The following ACKR3 variants were observed in gnomAD, a reference collection of about 807,000 sequenced individuals.
The protein encoded by ACKR3 is C-X-C chemokine receptor type 7.
A neutral mutation model predicts 22.4 loss-of-function variants in ACKR3; 6 were observed. The ratio of observed to expected loss-of-function variants is 0.27; its 90% confidence interval spans 0.15 to 0.53. The LOEUF (loss-of-function observed/expected upper bound fraction) is 0.53, where lower values mean the gene tolerates loss of function less well. ACKR3 is among the 20% of genes least tolerant of loss of function. ACKR3 has a pLI of 0.96. For synonymous variants in ACKR3, 209 were observed against 205.2 expected, an observed-to-expected ratio of 1.02 and a Z score of -0.16; for missense variants, 396 against 475.2, an observed-to-expected ratio of 0.83 and a Z score of 1.55.
chr2:236,571,695 T>C (rs1691315388), intron 1 of ACKR3, among the ~76,000 whole-genome samples: 1 of 151,274 alleles, frequency 6.6e-6, no homozygotes, highest in African/African-American at 2.4e-5. Flanking sequence ...TGTGTGATCA[T>C]TTTAGGGCGA....
At position 236,581,681 on chromosome 2, in the gene ACKR3, C is replaced by T. The variant is rs943220864; in HGVS notation, c.*127C>T. The T allele has an allele frequency of 2.0e-4, 238 of 1,197,996 alleles. No individual in the cohort carries two copies. Among genetic ancestry groups the T allele is most frequent in the Admixed American group, 7.5e-4 (28 of 37,156 alleles). 74.2% of individuals were successfully genotyped at this position (1,197,996 alleles called of 1,614,324 possible). On this transcript the variant is annotated 3_prime_UTR_variant, in exon 2 of 2. Coordinates refer to ENST00000272928, the MANE Select transcript of ACKR3 (RefSeq NM_020311.3). The surrounding 1 kb of genome is among the most constrained non-coding windows in gnomAD (Gnocchi z 4.4). Reference sequence around the variant, plus strand: ...CTTGAGTAGAGTGAAGAGGGGAGCACGTGCCCCCTGCATCCATTCTCTCTT... The same window carrying T: ...CTTGAGTAGAGTGAAGAGGGGAGCATGTGCCCCCTGCATCCATTCTCTCTT...
chr2:236,574,964 A>G lies in ACKR3; in HGVS notation c.-27+5040A>G, dbSNP rs555489645. ...GCTTGCCCACCGCCGGCCACGGGAA[A>G]GTTCTCTCCCTGTCACTGCAACGTG... On this transcript the variant is annotated intron_variant, in intron 1 of 1. Coordinates refer to ENST00000272928, the MANE Select transcript of ACKR3 (RefSeq NM_020311.3). This position sits in a 1 kb window ranked among gnomAD's most constrained non-coding sequence, Gnocchi z 5.6. Among the ~76,000 whole-genome samples, 25 of 152,274 alleles carry G rather than the reference A, an allele frequency of 1.6e-4. No homozygotes were observed. The highest frequency in any genetic ancestry group is 5.5e-4 in the African/African-American group (23 of 41,550).
the ACKR3 span, among the ~76,000 whole-genome samples, chr2:236,559,864 A>G: frequency 6.6e-6 from 1 of 152,000 alleles, no homozygotes; most frequent in Non-Finnish European, 1.5e-5. Flanking sequence ...CTATTTTTGG[A>G]CTCTCTATTT....
intron 1 of ACKR3, among the ~76,000 whole-genome samples, chr2:236,572,957 T>C (rs1057096031): frequency 3.9e-5 from 6 of 152,228 alleles, no homozygotes; most frequent in African/African-American, 1.4e-4. Flanking sequence ...AAAGCAGTTA[T>C]GTACTTGCAT....
At chr2:236,541,408 C>T in the ACKR3 span, among the ~76,000 whole-genome samples, 1 of 152,174 alleles carries the variant, frequency 6.6e-6, no homozygotes, top group Non-Finnish European at 1.5e-5. Context: ...CTAAAGAATT[C>T]CCCTGTCCAA....
the ACKR3 span, among the ~76,000 whole-genome samples, chr2:236,544,522 C>T: frequency 1.3e-5 from 2 of 152,158 alleles, no homozygotes; most frequent in East Asian, 1.9e-4. This position sits in a 1 kb window ranked among gnomAD's most constrained non-coding sequence, Gnocchi z 5.0. Flanking sequence ...GGCTGCTGTG[C>T]GAGCACAGGC....
the ACKR3 span, among the ~76,000 whole-genome samples, chr2:236,549,009 G>A: frequency 1.3e-5 from 2 of 152,194 alleles, no homozygotes; most frequent in South Asian, 4.1e-4. This position sits in a 1 kb window ranked among gnomAD's most constrained non-coding sequence, Gnocchi z 5.3. Flanking sequence ...GTTTAATTAA[G>A]TGAAAAACCT....
intron 1 of ACKR3, among the ~76,000 whole-genome samples, chr2:236,573,177 GACACACACACATGCAC>G (rs1691343570): frequency 1.3e-5 from 2 of 150,664 alleles, no homozygotes; most frequent in African/African-American, 5.0e-5. Flanking sequence ...CAGACACACA[GACACACACACATGCAC>G]ACACACACAC....
chr2:236,565,174 G>A (rs972657851), upstream of ACKR3, among the ~76,000 whole-genome samples: 2 of 151,960 alleles, frequency 1.3e-5, no homozygotes, highest in African/African-American at 4.8e-5. Context: ...AACCACTCAT[G>A]TGCATCCTCT....
chr2:236,561,980 G>A, the ACKR3 span, among the ~76,000 whole-genome samples: 1 of 152,034 alleles, frequency 6.6e-6, no homozygotes. Context: ...TCTTCCTTGT[G>A]CATTAGCTAG....
intron 1 of ACKR3, among the ~76,000 whole-genome samples, chr2:236,575,834 C>T (rs1403354258): frequency 1.3e-5 from 2 of 152,194 alleles, no homozygotes; most frequent in Non-Finnish European, 2.9e-5. Context: ...TGTTGAAAGA[C>T]ATTTACGTTG....
At chr2:236,543,413 C>G in the ACKR3 span, among the ~76,000 whole-genome samples, 1 of 152,190 alleles carries the variant, frequency 6.6e-6, no homozygotes, top group African/African-American at 2.4e-5. Flanking sequence ...TTTGAGGCCA[C>G]TCTGCAGGAG....
the ACKR3 span, among the ~76,000 whole-genome samples, chr2:236,552,373 G>T: frequency 6.6e-6 from 1 of 151,732 alleles, no homozygotes; most frequent in South Asian, 2.1e-4. Flanking sequence ...GTGAAAATTT[G>T]AGGAAATTAG....
the ACKR3 span, among the ~76,000 whole-genome samples, chr2:236,546,229 G>C: frequency 6.6e-6 from 1 of 152,118 alleles, no homozygotes; most frequent in Non-Finnish European, 1.5e-5. This position sits in a 1 kb window ranked among gnomAD's most constrained non-coding sequence, Gnocchi z 4.9. Flanking sequence ...AGGCACAATG[G>C]GTACTTTGAT....
At chr2:236,540,413 A>G in the ACKR3 span, among the ~76,000 whole-genome samples, 17 of 150,206 alleles carry the variant, frequency 1.1e-4, no homozygotes, top group African/African-American at 4.2e-4. Flanking sequence ...TTCTTTCTAT[A>G]TTCTGGACAC....
rs1574978093 is a variant in ACKR3 at position 236,580,579 on chromosome 2, C to T, written c.114C>T (p.Pro38=). ...ACACGGTGATGTGTCCCAACATGCC[C>T]AACAAAAGCGTCCTGCTCTACACGC... ...VVDTVMCPNM[P]NKSVLLYTLS... Residue 38 remains proline (P), a synonymous_variant, in exon 2 of 2, where the codon CCC becomes CCT. Transcript: ENST00000272928. The T allele has an allele frequency of 6.2e-7, 1 of 1,613,564 alleles. No homozygotes were observed. Among genetic ancestry groups the T allele is most frequent in the Non-Finnish European group, 8.5e-7 (1 of 1,179,724 alleles).
At chr2:236,561,214 T>C in the ACKR3 span, among the ~76,000 whole-genome samples, 1 of 151,954 alleles carries the variant, frequency 6.6e-6, no homozygotes, top group Non-Finnish European at 1.5e-5. Flanking sequence ...TATAACATTA[T>C]ATCTAGTCAA....
At chr2:236,540,579 C>T in the ACKR3 span, among the ~76,000 whole-genome samples, 2 of 152,028 alleles carry the variant, frequency 1.3e-5, no homozygotes, top group Non-Finnish European at 2.9e-5. Flanking sequence ...ATCTTCCTGC[C>T]TCAAGGTCAC....
chr2:236,580,931 A>T lies in ACKR3; in HGVS notation c.466A>T (p.Arg156Trp). 1 of 1,614,204 alleles carries T rather than the reference A, an allele frequency of 6.2e-7. No homozygotes were observed. The highest frequency in any genetic ancestry group is 2.2e-5 in the East Asian group (1 of 44,884). The change falls in exon 2 of 2, where the codon AGG (arginine) becomes TGG (tryptophan). Residue 156 changes from arginine (R) to tryptophan (W), a missense_variant. Transcript: ENST00000272928. ...CTACTTCACCAACACCCCCAGCAGC[A>T]GGAAGAAGATGGTACGCCGTGTCGT... ...ITYFTNTPSS[R>W]KKMVRRVVCI... is the part of the protein sequence containing the mutation.
Sources: gnomAD v4.1 joint callset for allele counts (sites outside exome capture counted in the v4.1 genomes callset) on GRCh38, gnomAD v4.1.1 for gene constraint, Gnocchi (gnomAD v3.1) non-coding constraint, MANE v1.5 for transcripts, NCBI Gene and HGNC (gene_info 2026-07-23, HGNC 2026-07-21) for gene names.